The following KTN1 variants were observed in gnomAD, a reference collection of about 807,000 sequenced individuals.
KTN1 encodes the protein kinectin.
Under a neutral mutation model 222.5 loss-of-function variants are expected in KTN1, and 130 were observed. The ratio of observed to expected loss-of-function variants is 0.58; its 90% CI spans 0.51 to 0.68. The LOEUF (loss-of-function observed/expected upper bound fraction) is 0.68. Among genes scored for constraint, KTN1 ranks in the 30% least tolerant of loss-of-function variants. KTN1 has a pLI of 0.00. For synonymous variants in KTN1, 512 were observed against 496.3 expected, an observed-to-expected ratio of 1.03 and a Z score of -0.42; for missense variants, 1,508 against 1,500.4, an observed-to-expected ratio of 1.01 and a Z score of -0.08.
At chr14:55,641,579 A>G (rs1183732479) in intron 17 of KTN1, 113 bp from the exon 18 acceptor site, 13 of 757,356 alleles carry the variant, frequency 1.7e-5, no homozygotes, top group Non-Finnish European at 3.1e-5. Context: ...TTCACCTGTC[A>G]CTTTGAGGAC....
Position 55,684,088 on chromosome 14 carries a change from A to G in KTN1, c.4070-11A>G. On this transcript the variant is annotated splice_polypyrimidine_tract_variant and intron_variant, in intron 43 of 43. Coordinates refer to ENST00000395314, the MANE Select transcript of KTN1 (RefSeq NM_001079521.2). ...TTTAAAGTGAAATTCATTCTTTCTG[A>G]TCTTTTACAGAGTGAAGTAATTGGG... 1 of 1,599,818 alleles carries G rather than the reference A, an allele frequency of 6.3e-7. No individual in the cohort carries two copies. The highest frequency in any genetic ancestry group is 8.5e-7 in the Non-Finnish European group (1 of 1,171,342).
chr14:55,610,837 G>A (rs1326460870), intron 1 of KTN1, among the ~76,000 whole-genome samples: 2 of 152,210 alleles, frequency 1.3e-5, no homozygotes, highest in African/African-American at 4.8e-5. Flanking sequence ...TACCCTTCAC[G>A]TAAGTGATAT....
intron 42 of KTN1, 33 bp downstream of exon 42, chr14:55,678,477 C>G (rs2046077503): frequency 7.5e-7 from 1 of 1,340,956 alleles, no homozygotes; most frequent in Non-Finnish European, 1.1e-6. Context: ...GATCTCTGAG[C>G]TAGTTACCTT....
rs1566848988 is a variant in KTN1 at position 55,673,013 on chromosome 14, GTACT to G, written c.3687+5_3687+8del. 2 of 1,605,724 alleles carry G rather than the reference GTACT, an allele frequency of 1.2e-6. No individual in the cohort carries two copies. The highest frequency in any genetic ancestry group is 1.7e-5 in the Admixed American group (1 of 59,950). Reference sequence around the variant, plus strand: ...TACCTATGTTACAGAAGTCAGAGAGGTACTTACAACAGAATCTTTTCAAACTTGC... The same window carrying G: ...TACCTATGTTACAGAAGTCAGAGAGGTACAACAGAATCTTTTCAAACTTGC... On this transcript the variant is annotated splice_donor_variant and splice_donor_5th_base_variant and intron_variant, in intron 39 of 43. Coordinates refer to ENST00000395314, the MANE Select transcript of KTN1 (RefSeq NM_001079521.2). LOFTEE classifies it high-confidence loss of function.
intron 18 of KTN1, among the ~76,000 whole-genome samples, chr14:55,646,453 C>CT (rs71131300): frequency 2.2e-5 from 2 of 91,958 alleles, no homozygotes; most frequent in African/African-American, 9.3e-5. Context: ...TTTCCTTTTC[C>CT]TTTTCCTTTT....
rs751071998 is a variant in KTN1, at chr14:55,637,271, A to T, written c.1623A>T (p.Val541=). The stretch of plus-strand genomic sequence containing the variant: ...ATAGTAAGCTTACAGATACCTTGGT[A>T]TCAAAACAACAGTTGGAGCAAAGAC... The part of the protein sequence containing the change: ...SLHSKLTDTL[V]SKQQLEQRLM... The change falls in exon 11 of 44, where the codon GTA becomes GTT. Residue 541 remains valine (V), a synonymous_variant. Coordinates refer to ENST00000395314, the MANE Select transcript of KTN1 (RefSeq NM_001079521.2). 4.3e-6 allele frequency: 7 copies of T among 1,612,172 alleles called. No homozygotes were observed. The highest frequency in any genetic ancestry group is 5.9e-6 in the Non-Finnish European group (7 of 1,178,610).
chr14:55,663,879 A>G (rs2044412411), intron 32 of KTN1, 76 bp from the exon 33 acceptor site: 8 of 1,016,206 alleles, frequency 7.9e-6, no homozygotes, highest in Non-Finnish European at 1.2e-5. Flanking sequence ...ATGCAGTGCA[A>G]AATACTGATG....
In KTN1 at chr14:55,676,523, A is replaced by G. The variant is rs1360645877; in HGVS notation, c.3855+605A>G. 1.3e-5 allele frequency among the ~76,000 whole-genome samples: 2 copies of G among 152,290 alleles called. 1 individual carries two copies. Among genetic ancestry groups the G allele is most frequent in the East Asian group, 3.9e-4 (2 of 5,190 alleles). The stretch of plus-strand genomic sequence containing the variant: ...TGGATATATCATCATTAGCAAAACA[A>G]GTGTCACTTTTTGGAATTGCAAGAA... On this transcript the variant is annotated intron_variant, in intron 41 of 43. Transcript: ENST00000395314.
At chr14:55,631,017 T>G (rs2040441730) in intron 7 of KTN1, among the ~76,000 whole-genome samples, 1 of 152,180 alleles carries the variant, frequency 6.6e-6, no homozygotes. Context: ...TTCACCTGTC[T>G]TCTGTCAGAA....
chr14:55,586,314 C>T (rs2032984070), intron 1 of KTN1, among the ~76,000 whole-genome samples: 1 of 152,154 alleles, frequency 6.6e-6, no homozygotes, highest in Admixed American at 6.5e-5. Context: ...TATTAACCTG[C>T]CTAAGGCTCA....
chr14:55,582,956 C>T (rs946232559), intron 1 of KTN1, among the ~76,000 whole-genome samples: 6 of 152,180 alleles, frequency 3.9e-5, no homozygotes, highest in African/African-American at 1.4e-4. Context: ...ATCACTCATG[C>T]TCAAAGAGAA....
Position 55,593,683 on chromosome 14 carries a change from C to T in KTN1, c.-31+13329C>T, listed in dbSNP as rs1345707364. Among the ~76,000 whole-genome samples the T allele has an allele frequency of 3.3e-5, 5 of 152,084 alleles. No homozygotes were observed. In the East Asian group the frequency reaches 9.7e-4, roughly 29 times the overall value. On this transcript the variant is annotated intron_variant, in intron 1 of 43. Coordinates refer to ENST00000395314, the MANE Select transcript of KTN1 (RefSeq NM_001079521.2). ...AGCACTTGGGGAACGTGAACGAACA[C>T]TAGCTTTGCATTAAGGAATTACTAA...
chr14:55,593,154 A>T (rs751059216), intron 1 of KTN1, among the ~76,000 whole-genome samples: 4 of 151,942 alleles, frequency 2.6e-5, no homozygotes, highest in African/African-American at 9.7e-5. Context: ...ACCTGTTTCA[A>T]TTCTCTTTGT....
At position 55,618,043 on chromosome 14, in the gene KTN1, TAAG is replaced by T; in HGVS notation, c.743_745del (p.Lys248del). ...ATGCTGACTCAAGTCCTGTGGTAGA[TAAG>T]AGAGAGGTTATTGATTTGCTTAAAC... On this transcript the variant is annotated inframe_deletion, in exon 4 of 44. Transcript: ENST00000395314. The T allele has an allele frequency of 6.2e-7, 1 of 1,612,752 alleles. No homozygotes were observed. Among genetic ancestry groups the T allele is most frequent in the Non-Finnish European group, 8.5e-7 (1 of 1,179,034 alleles).
chr14:55,634,874 G>A (rs1251473821), intron 9 of KTN1, among the ~76,000 whole-genome samples: 3 of 152,068 alleles, frequency 2.0e-5, no homozygotes, highest in Non-Finnish European at 2.9e-5. Flanking sequence ...CGAAGCAGCA[G>A]GAAGGAGAAA....
intron 1 of KTN1, among the ~76,000 whole-genome samples, chr14:55,590,506 C>G (rs17128600): frequency 0.021 from 3,198 of 151,914 alleles, 121 homozygotes; most frequent in African/African-American, 0.073. Context: ...TCTTTATGTC[C>G]CTTCCCACAC....
intron 42 of KTN1, 93 bp from the exon 43 acceptor site, chr14:55,679,472 G>A (rs2046177797): frequency 9.8e-7 from 1 of 1,017,370 alleles, no homozygotes; most frequent in Admixed American, 2.6e-5. Flanking sequence ...TAATGTTTGT[G>A]TTTAAATCAG....
In KTN1 at chr14:55,657,105, C is replaced by G. The variant is rs531660198; in HGVS notation, c.2892+973C>G. Among the ~76,000 whole-genome samples, 27 of 152,216 alleles carry G rather than the reference C, an allele frequency of 1.8e-4. No individual in the cohort carries two copies. In the South Asian group the frequency reaches 5.6e-3, roughly 32 times the overall value. On this transcript the variant is annotated intron_variant, in intron 29 of 43. Transcript: ENST00000395314. ...TACATGCTTCAAGGTTTGAGTCTAC[C>G]ACATTCCTTCTCCCTCTCATGTAGG...
At chr14:55,673,114 C>A in intron 39 of KTN1, 58 bp from the exon 40 acceptor site, 1 of 1,485,158 alleles carries the variant, frequency 6.7e-7, no homozygotes, top group Non-Finnish European at 9.4e-7. Flanking sequence ...TTCCGAGTAG[C>A]ATACAAAACA....
Sources: allele counts gnomAD v4.1 joint callset (sites outside exome capture counted in the v4.1 genomes callset), GRCh38; gene constraint gnomAD v4.1.1; transcripts MANE v1.5; gene names NCBI Gene and HGNC (gene_info 2026-07-23, HGNC 2026-07-21).